Variants in NMU observed in about 807,000 individuals in gnomAD.
NMU encodes neuromedin-U.
In NMU, 29 loss-of-function variants were observed where a neutral mutation model predicts 35.4. The observed-to-expected ratio is 0.82, with a 90% CI of 0.61 to 1.12. The LOEUF is 1.12. Ranked by LOEUF, NMU falls within the 50% of genes most tolerant of loss-of-function variation. NMU has a pLI of 0.00. For synonymous variants in NMU, 78 were observed against 81.3 expected (o/e 0.96, Z 0.22); for missense variants, 199 against 206.2 (o/e 0.97, Z 0.21).
chr4:55,597,033 C>T (rs1293383006), intron 9 of NMU, among the ~76,000 whole-genome samples: 2 of 152,128 alleles, frequency 1.3e-5, no homozygotes, highest in Non-Finnish European at 2.9e-5. Flanking sequence ...TTTTAACACA[C>T]TTCTTAACGT....
At chr4:55,598,765 T>C (rs1408908317) in intron 9 of NMU, among the ~76,000 whole-genome samples, 1 of 152,240 alleles carries the variant, frequency 6.6e-6, no homozygotes, top group Non-Finnish European at 1.5e-5. Flanking sequence ...TGGCCCGTTA[T>C]GATAGACACT....
chr4:55,608,753 G>A (rs1421107990), intron 4 of NMU, among the ~76,000 whole-genome samples: 1 of 150,880 alleles, frequency 6.6e-6, no homozygotes, highest in South Asian at 2.1e-4. Context: ...AAAGTACAAT[G>A]TCCTGACCTT....
rs1263562037 is a variant in NMU, at chr4:55,602,019, TA to T, written c.436-1445del. Among the ~76,000 whole-genome samples, 5 of 151,508 alleles carry T rather than the reference TA, an allele frequency of 3.3e-5. No homozygotes were observed. The East Asian group carries it at 5.8e-4, about 18-fold the overall frequency. ...CTCAAAAAAATAATAATAATACAAA[TA>T]AAAAAATTCAAATGCATATTATATT... On this transcript the variant is annotated intron_variant, in intron 7 of 9. Coordinates refer to ENST00000264218, the MANE Select transcript of NMU (RefSeq NM_006681.4).
chr4:55,599,935 C>T (rs2110180823), intron 8 of NMU, among the ~76,000 whole-genome samples: 1 of 152,180 alleles, frequency 6.6e-6, no homozygotes, highest in South Asian at 2.1e-4. Flanking sequence ...TTGCTCAGCA[C>T]CCAGTAGAAG....
Position 55,636,021 on chromosome 4 carries a change from G to A in NMU, c.112+60C>T, listed in dbSNP as rs549062592. ...GAGAAAGAGGGTGGAGGAGAGCGGTGAGTGGAGCCAGAGAGAGGCGCGCAT... is the reference window on the plus strand; with the variant it reads ...GAGAAAGAGGGTGGAGGAGAGCGGTAAGTGGAGCCAGAGAGAGGCGCGCAT... On this transcript the variant is annotated intron_variant, in intron 1 of 9. Coordinates refer to ENST00000264218, the MANE Select transcript of NMU (RefSeq NM_006681.4). This position sits in a 1 kb window ranked among gnomAD's most constrained non-coding sequence, Gnocchi z 4.0. The A allele has an allele frequency of 4.2e-5, 64 of 1,532,678 alleles. No homozygotes were observed. Among genetic ancestry groups the A allele is most frequent in the Middle Eastern group, 4.6e-4 (2 of 4,386 alleles). 94.9% of individuals were successfully genotyped at this position (1,532,678 alleles called of 1,614,324 possible). A position where few individuals can be genotyped will look rare whatever the true frequency, so the allele number is the denominator to read the frequency against.
intron 6 of NMU, among the ~76,000 whole-genome samples, chr4:55,606,739 G>A (rs1167163809): frequency 6.7e-6 from 1 of 149,232 alleles, no homozygotes; most frequent in Non-Finnish European, 1.5e-5. Context: ...GTGCAGTGGC[G>A]TGATCTCAGC....
chr4:55,601,111 A>G (rs1733407411), intron 7 of NMU, among the ~76,000 whole-genome samples: 2 of 152,120 alleles, frequency 1.3e-5, no homozygotes, highest in Non-Finnish European at 2.9e-5. Context: ...TAATATAATT[A>G]TATGTGCAGA....
rs377584322 is a variant in NMU at position 55,598,760 on chromosome 4, C to T, written c.*4+382G>A. ...TACTTTCAGTCCGTAAATCTTGGCC[C>T]GTTATGATAGACACTGATTACTGCA... On this transcript the variant is annotated intron_variant, in intron 9 of 9. Transcript: ENST00000264218. Among the ~76,000 whole-genome samples the T allele has an allele frequency of 2.0e-4, 30 of 152,216 alleles. No homozygotes were observed. In the East Asian group the frequency reaches 2.1e-3, roughly 11 times the overall value.
intron 2 of NMU, among the ~76,000 whole-genome samples, chr4:55,619,525 A>G (rs1190846785): frequency 2.0e-4 from 29 of 142,378 alleles, no homozygotes; most frequent in South Asian, 5.1e-4. Context: ...CGCCCACGGA[A>G]TCTCGCTGAT....
chr4:55,598,088 G>GTTTT (rs1560510499), intron 9 of NMU, among the ~76,000 whole-genome samples: 4 of 89,014 alleles, frequency 4.5e-5, no homozygotes, highest in African/African-American at 9.5e-5. Flanking sequence ...TTTTGGTTGT[G>GTTTT]GTTTTTTTTT....
chr4:55,610,222 G>A (rs1448662930), intron 3 of NMU, among the ~76,000 whole-genome samples: 1 of 152,150 alleles, frequency 6.6e-6, no homozygotes, highest in African/African-American at 2.4e-5. Context: ...CAGCACTTTG[G>A]GAGGCTGAGG....
At chr4:55,625,232 T>A (rs1440225406) in intron 2 of NMU, among the ~76,000 whole-genome samples, 4 of 151,264 alleles carry the variant, frequency 2.6e-5, no homozygotes, top group African/African-American at 9.7e-5. Context: ...CAGCTGCATC[T>A]TAACTTCTTT....
chr4:55,629,291 G>T, intron 2 of NMU, among the ~76,000 whole-genome samples: 1 of 151,310 alleles, frequency 6.6e-6, no homozygotes. Flanking sequence ...TCCTGAAATG[G>T]GGTTTCACTA....
chr4:55,595,522 A>G (rs1212865431), intron 9 of NMU, 111 bp from the exon 10 acceptor site: 2 of 139,122 alleles, frequency 1.4e-5, no homozygotes, highest in Non-Finnish European at 3.0e-5. Flanking sequence ...TAACAGTAGC[A>G]TCTGACATAT....
intron 2 of NMU, among the ~76,000 whole-genome samples, chr4:55,629,725 T>C (rs1734683849): frequency 6.6e-6 from 1 of 152,086 alleles, no homozygotes; most frequent in Non-Finnish European, 1.5e-5. Flanking sequence ...AATTGTATGA[T>C]TATGTCGTTG....
chr4:55,632,189 T>G lies in NMU; in HGVS notation c.113-1729A>C, dbSNP rs538934700. On this transcript the variant is annotated intron_variant, in intron 1 of 9. Coordinates refer to ENST00000264218, the MANE Select transcript of NMU (RefSeq NM_006681.4). ...AGGAGGGGGTTGGGGGATAAAAGAC[T>G]ACATATTGGGTACAGTGTACACCAC... 2.6e-5 allele frequency among the ~76,000 whole-genome samples: 4 copies of G among 152,212 alleles called. No homozygotes were observed. In the East Asian group the frequency reaches 7.7e-4, roughly 29 times the overall value.
intron 3 of NMU, among the ~76,000 whole-genome samples, chr4:55,614,900 C>A (rs1349497499): frequency 6.6e-6 from 1 of 152,206 alleles, no homozygotes; most frequent in African/African-American, 2.4e-5. Context: ...TCAAAAACAT[C>A]ATCTATTGTG....
chr4:55,619,563 T>A (rs1404252397), intron 2 of NMU, among the ~76,000 whole-genome samples: 1 of 140,062 alleles, frequency 7.1e-6, no homozygotes, highest in Non-Finnish European at 1.6e-5. Context: ...GAGATCAAAC[T>A]GCAAGGCGGC....
At chr4:55,625,169 T>TAAAAAAAAAAAAAA (rs760890031) in intron 2 of NMU, among the ~76,000 whole-genome samples, 12 of 98,332 alleles carry the variant, frequency 1.2e-4, no homozygotes, top group Non-Finnish European at 1.5e-4. Flanking sequence ...AAAGTATAAT[T>TAAAAAAAAAAAAAA]AAAAAAAAAA....
Sources: allele counts gnomAD v4.1 joint callset (sites outside exome capture counted in the v4.1 genomes callset), GRCh38; gene constraint gnomAD v4.1.1; non-coding constraint Gnocchi (gnomAD v3.1); transcripts MANE v1.5; gene names NCBI Gene and HGNC (gene_info 2026-07-23, HGNC 2026-07-21).